AFDN: variants seen among roughly 807,000 people sequenced by gnomAD.
AFDN encodes the protein afadin.
AFDN carries 68 observed loss-of-function variants against 216.6 expected under a neutral mutation model. The ratio of observed to expected loss-of-function variants is 0.31; its 90% CI spans 0.26 to 0.38. The LOEUF is 0.38. Ranked by LOEUF, AFDN falls within the 10% of genes least tolerant of loss-of-function variation. The pLI, the probability that AFDN is intolerant of heterozygous loss-of-function variation, is 1.00. For missense variants in AFDN, 2,136 were observed against 2,342.0 expected (o/e 0.91, Z 1.82); for synonymous variants, 868 against 853.7 (o/e 1.02, Z -0.29).
At chr6:167,869,264 A>T (rs995379627) in intron 2 of AFDN, among the ~76,000 whole-genome samples, 2 of 152,076 alleles carry the variant, frequency 1.3e-5, no homozygotes, top group African/African-American at 4.8e-5. Flanking sequence ...TTCCTTACTC[A>T]ACTCTGAAAG....
At chr6:167,861,967 G>A (rs1285379580) in intron 1 of AFDN, among the ~76,000 whole-genome samples, 2 of 152,308 alleles carry the variant, frequency 1.3e-5, no homozygotes, top group East Asian at 3.9e-4. Flanking sequence ...CTTTGGAGAA[G>A]CCTGGGGGTA....
chr6:167,878,037 G>C (rs1191420233), intron 5 of AFDN, among the ~76,000 whole-genome samples: 2 of 151,796 alleles, frequency 1.3e-5, no homozygotes, highest in Non-Finnish European at 2.9e-5. Context: ...TAATTCATTT[G>C]TGGTACAAAT....
chr6:167,915,209 C>T lies in AFDN; in HGVS notation c.2341C>T (p.Arg781Ter), dbSNP rs750660726. 1 of 1,614,234 alleles carries T rather than the reference C, an allele frequency of 6.2e-7. No individual in the cohort carries two copies. Among genetic ancestry groups the T allele is most frequent in the Non-Finnish European group, 8.5e-7 (1 of 1,180,054 alleles). ...HTLTGAMSLLRRCRVNAALTI... is the reference protein window; with the variant it reads ...HTLTGAMSLL ...GCTCACAGGAGCCATGTCCTTGCTA[C>T]GACGCTGCAGAGTCAATGCCGCCCT... is the stretch of plus-strand genomic sequence containing the variant. Residue 781 changes from arginine to a stop codon, truncating the protein, a stop_gained, in exon 19 of 34, where the codon CGA becomes TGA. Transcript: ENST00000683244. LOFTEE classifies it high-confidence loss of function.
Position 167,918,444 on chromosome 6 carries a change from T to C in AFDN, c.2710-291T>C, listed in dbSNP as rs75454497. Among the ~76,000 whole-genome samples, 1,139 of 152,326 alleles carry C rather than the reference T, an allele frequency of 7.5e-3. 18 individuals carry two copies. The highest frequency in any genetic ancestry group is 0.026 in the African/African-American group (1,085 of 41,568). ...AAATGATTAGAAAAGAAACTTCTTG[T>C]GATTGAACAATTTCTTTTTATTTAA... On this transcript the variant is annotated intron_variant, in intron 20 of 33. Coordinates refer to ENST00000683244, the MANE Select transcript of AFDN (RefSeq NM_001386888.1).
At chr6:167,871,744 C>A (rs985652839) in intron 3 of AFDN, among the ~76,000 whole-genome samples, 1 of 152,176 alleles carries the variant, frequency 6.6e-6, no homozygotes. Flanking sequence ...TTTATTATGG[C>A]TACTCTTAAC....
At chr6:167,913,580 G>A (rs957243885) in intron 16 of AFDN, 157 bp downstream of exon 16, 11 of 623,032 alleles carry the variant, frequency 1.8e-5, no homozygotes, top group Non-Finnish European at 3.0e-5. Flanking sequence ...TTTTGACTGT[G>A]CAACCTTTAT....
rs773931675 is a variant in AFDN, at chr6:167,952,016, G to A, written c.4662G>A (p.Pro1554=). The stretch of plus-strand genomic sequence containing the variant: ...AGATCCAGGAGCTCCAGAGCAAACC[G>A]GACCGCAGCGCCGAGGAGAGCGACC... ...SKEIQELQSK[P]DRSAEESDRL... is the part of the protein sequence containing the mutation. The change falls in exon 30 of 34, where the codon CCG becomes CCA. Residue 1554 remains proline (P), a synonymous_variant. Coordinates refer to ENST00000683244, the MANE Select transcript of AFDN (RefSeq NM_001386888.1). 2.3e-5 allele frequency: 37 copies of A among 1,614,040 alleles called. No homozygotes were observed. Among genetic ancestry groups the A allele is most frequent in the Middle Eastern group, 1.6e-4 (1 of 6,082 alleles).
At chr6:167,847,944 G>A (rs1781883975) in intron 1 of AFDN, among the ~76,000 whole-genome samples, 2 of 151,990 alleles carry the variant, frequency 1.3e-5, no homozygotes, top group Non-Finnish European at 2.9e-5. Flanking sequence ...TTCTGCTATA[G>A]CCACAAGGGG....
chr6:167,930,251 T>C (rs978917774), intron 23 of AFDN, among the ~76,000 whole-genome samples: 2 of 152,104 alleles, frequency 1.3e-5, no homozygotes. Context: ...TAAAATAGAT[T>C]TAGGGAGACT....
At chr6:167,845,915 A>AAGG (rs1781622396) in intron 1 of AFDN, among the ~76,000 whole-genome samples, 1 of 152,110 alleles carries the variant, frequency 6.6e-6, no homozygotes, top group South Asian at 2.1e-4. Context: ...ACGGAAGACA[A>AAGG]AGGAGAAGCA....
chr6:167,956,061 C>G (rs1028781746), intron 30 of AFDN, among the ~76,000 whole-genome samples: 1 of 135,262 alleles, frequency 7.4e-6, no homozygotes, highest in African/African-American at 2.7e-5. Flanking sequence ...GTTGCAGTGA[C>G]CAGAGATTGC....
chr6:167,907,974 G>C (rs1465768674), intron 13 of AFDN, among the ~76,000 whole-genome samples: 2 of 152,182 alleles, frequency 1.3e-5, no homozygotes, highest in African/African-American at 4.8e-5. Flanking sequence ...ATACTGACTA[G>C]TGGAACCAGC....
rs368254850 is a variant in AFDN, at chr6:167,864,377, C to G, written c.106-174C>G. The G allele has an allele frequency of 8.6e-5, 67 of 779,386 alleles. No individual in the cohort carries two copies. In the African/African-American group the frequency reaches 9.6e-4, roughly 11 times the overall value. The allele number at this position is 779,386 out of a possible 1,614,324, so 48.3% of individuals were successfully genotyped here. ...AAAGAGAAATTGTTAGTAACTTGTT[C>G]AAAGTCAGAAATGAAACTTGAAGAC... On this transcript the variant is annotated intron_variant, in intron 1 of 33. Transcript: ENST00000683244.
Position 167,946,908 on chromosome 6 carries a change from G to C in AFDN, c.3553+7G>C. 1 of 1,604,764 alleles carries C rather than the reference G, an allele frequency of 6.2e-7. No homozygotes were observed. The highest frequency in any genetic ancestry group is 8.5e-7 in the Non-Finnish European group (1 of 1,177,726). ...TCCAGCCCCAACGTAGCAAGTAAGA[G>C]TGACACTTTTTTGCTTCCTAAGTAC... On this transcript the variant is annotated splice_region_variant and intron_variant, in intron 27 of 33. Transcript: ENST00000683244.
chr6:167,940,993 A>G (rs879195086), intron 23 of AFDN, among the ~76,000 whole-genome samples: 21 of 4,898 alleles, frequency 4.3e-3, no homozygotes, highest in African/African-American at 5.6e-3. Context: ...CACAGGAGAG[A>G]TGTGTGGACA....
At chr6:167,936,597 T>C (rs918645933) in intron 23 of AFDN, among the ~76,000 whole-genome samples, 2 of 152,160 alleles carry the variant, frequency 1.3e-5, no homozygotes, top group African/African-American at 4.8e-5. Flanking sequence ...GGCAGTACAA[T>C]TCTCATTTAT....
chr6:167,901,648 C>G (rs1788968739), intron 11 of AFDN, among the ~76,000 whole-genome samples: 1 of 152,134 alleles, frequency 6.6e-6, no homozygotes, highest in African/African-American at 2.4e-5. Context: ...CACCGCTGTT[C>G]CTCATGTGTC....
intron 1 of AFDN, among the ~76,000 whole-genome samples, chr6:167,834,995 A>G (rs1488624233): frequency 6.6e-6 from 1 of 152,146 alleles, no homozygotes; most frequent in Non-Finnish European, 1.5e-5. Flanking sequence ...TCAAAAAAGA[A>G]AAACATTTGT....
In AFDN at chr6:167,886,366, C is replaced by T. The variant is rs1477153913; in HGVS notation, c.898-2849C>T. Among the ~76,000 whole-genome samples, 3 of 152,126 alleles carry T rather than the reference C, an allele frequency of 2.0e-5. 1 individual carries two copies. The highest frequency in any genetic ancestry group is 7.2e-5 in the African/African-American group (3 of 41,446). ...CTTTAAATGAGAATTCATAGATAAACAGTGTCATGAACTAGAGTTCTGCCA... is the reference window on the plus strand; with the variant it reads ...CTTTAAATGAGAATTCATAGATAAATAGTGTCATGAACTAGAGTTCTGCCA... On this transcript the variant is annotated intron_variant, in intron 6 of 33. Coordinates refer to ENST00000683244, the MANE Select transcript of AFDN (RefSeq NM_001386888.1).
Sources: allele counts gnomAD v4.1 joint callset (sites outside exome capture counted in the v4.1 genomes callset), GRCh38; gene constraint gnomAD v4.1.1; transcripts MANE v1.5; gene names NCBI Gene and HGNC (gene_info 2026-07-23, HGNC 2026-07-21).